The following ITPRIPL1 variants were observed in gnomAD, a reference collection of about 807,000 sequenced individuals.
ITPRIPL1 encodes ITPRIP like 1.
A neutral mutation model predicts 40.0 loss-of-function variants in ITPRIPL1; 28 were observed. The observed-to-expected ratio is 0.70, with a 90% CI of 0.52 to 0.96. ITPRIPL1 has a LOEUF of 0.96. Among genes scored for constraint, ITPRIPL1 ranks in the 40% least tolerant of loss-of-function variants. The pLI, the probability that ITPRIPL1 is intolerant of heterozygous loss-of-function variation, is 0.00. For missense variants in ITPRIPL1, 638 were observed against 698.0 expected (o/e 0.91, Z 0.97); for synonymous variants, 251 against 275.7 (o/e 0.91, Z 0.89).
chr2:96,326,729 T>C lies in ITPRIPL1; in HGVS notation c.98T>C (p.Met33Thr). 1 of 1,614,218 alleles carries C rather than the reference T, an allele frequency of 6.2e-7. No homozygotes were observed. The highest frequency in any genetic ancestry group is 8.5e-7 in the Non-Finnish European group (1 of 1,180,034). Residue 33 changes from methionine to threonine, a missense_variant, in exon 3 of 3, where the codon ATG becomes ACG. Transcript: ENST00000439118. ...VHHPLMVSDR[M>T]DLDTLARSRQ... ...CACCCTCTGATGGTCAGTGATCGGATGGACCTGGACACATTAGCCAGGAGT... is the reference window on the plus strand; with the variant it reads ...CACCCTCTGATGGTCAGTGATCGGACGGACCTGGACACATTAGCCAGGAGT...
chr2:96,330,217 G>A (rs923685073), downstream of ITPRIPL1: 5 of 118,524 alleles, frequency 4.2e-5, no homozygotes, highest in African/African-American at 1.3e-4. Flanking sequence ...GTGCTCCAGC[G>A]ACCCTGGGCA....
chr2:96,327,443 G>A lies in ITPRIPL1; in HGVS notation c.812G>A (p.Cys271Tyr). ...GGCTGTGTGCTGGTGGAGTCAGAAT[G>A]TGTGTGCAAGCGTGAGAAACTCCTA... Reference protein sequence around the residue: ...RCGCVLVESECVCKREKLLGD... With the variant: ...RCGCVLVESEYVCKREKLLGD... Residue 271 changes from cysteine (C) to tyrosine (Y), a missense_variant, in exon 3 of 3, where the codon TGT (cysteine) becomes TAT (tyrosine). Transcript: ENST00000439118. The A allele has an allele frequency of 6.2e-7, 1 of 1,614,026 alleles. No homozygotes were observed. Among genetic ancestry groups the A allele is most frequent in the Non-Finnish European group, 8.5e-7 (1 of 1,179,978 alleles).
At position 96,327,816 on chromosome 2, in the gene ITPRIPL1, T is replaced by C; in HGVS notation, c.1185T>C (p.Pro395=). The C allele has an allele frequency of 6.2e-7, 1 of 1,614,166 alleles. No homozygotes were observed. Among genetic ancestry groups the C allele is most frequent in the Non-Finnish European group, 8.5e-7 (1 of 1,180,018 alleles). Residue 395 remains proline, a synonymous_variant, in exon 3 of 3, where the codon CCT becomes CCC. Coordinates refer to ENST00000439118, the MANE Select transcript of ITPRIPL1 (RefSeq NM_001008949.3). ...DQEQLTSVDW[P]ESFVACEHLF... is the part of the protein sequence containing the mutation. ...AGCAGCTCACCAGTGTGGACTGGCC[T>C]GAGTCCTTTGTGGCCTGTGAGCACC...
chr2:96,326,843 A>C lies in ITPRIPL1; in HGVS notation c.212A>C (p.Lys71Thr). ...ERKRAAEQRQ[K>T]AENFWTGDTS... ...AAGCGAGCCGCTGAGCAGAGGCAGA[A>C]GGCAGAGAACTTCTGGACAGGAGAC... is the stretch of plus-strand genomic sequence containing the variant. The change falls in exon 3 of 3, where the codon AAG becomes ACG. Residue 71 changes from lysine to threonine, a missense_variant. Coordinates refer to ENST00000439118, the MANE Select transcript of ITPRIPL1 (RefSeq NM_001008949.3). 1 of 1,614,240 alleles carries C rather than the reference A, an allele frequency of 6.2e-7. No individual in the cohort carries two copies. Among genetic ancestry groups the C allele is most frequent in the Non-Finnish European group, 8.5e-7 (1 of 1,180,030 alleles).
chr2:96,326,466 G>C, intron 2 of ITPRIPL1, 176 bp from the exon 3 acceptor site: 1 of 1,543,826 alleles, frequency 6.5e-7, no homozygotes, highest in South Asian at 1.3e-5. Context: ...CTTTTCTCTC[G>C]AACCTCCTCC....
At chr2:96,329,396 G>C (rs150269841), downstream of ITPRIPL1, 56 of 151,934 alleles carry the variant, frequency 3.7e-4, no homozygotes, top group African/African-American at 1.3e-3. Context: ...TTTTTAAGGT[G>C]CCTGGAGGCA....
rs199538607 is a variant in ITPRIPL1, at chr2:96,327,719, C to A, written c.1088C>A (p.Ser363Ter). The A allele has an allele frequency of 1.2e-6, 2 of 1,613,242 alleles. No homozygotes were observed. The highest frequency in any genetic ancestry group is 8.5e-7 in the Non-Finnish European group (1 of 1,179,634). ...GACTATCGCTCAGGCCGCTTTCTCT[C>A]AATCCACTTGGTCCTGGGGGTGCAA... is the stretch of plus-strand genomic sequence containing the variant. ...RLDYRSGRFL[S>*]IHLVLGVQRE... The change falls in exon 3 of 3, where the codon TCA becomes TAA. Residue 363 changes from serine (S) to a stop codon, truncating the protein, a stop_gained. Coordinates refer to ENST00000439118, the MANE Select transcript of ITPRIPL1 (RefSeq NM_001008949.3). LOFTEE classifies it high-confidence loss of function.
At chr2:96,325,891 T>C in intron 2 of ITPRIPL1, 42 bp downstream of exon 2, 1 of 1,603,420 alleles carries the variant, frequency 6.2e-7, no homozygotes, top group Non-Finnish European at 8.5e-7. Flanking sequence ...TGGCAGAAGC[T>C]CGGGCTTCAC....
chr2:96,328,177 G>A lies in ITPRIPL1; in HGVS notation c.1546G>A (p.Val516Ile). 2 of 1,614,068 alleles carry A rather than the reference G, an allele frequency of 1.2e-6. No individual in the cohort carries two copies. The highest frequency in any genetic ancestry group is 1.1e-5 in the South Asian group (1 of 91,076). Reference protein sequence around the residue: ...IPKTFRNAEPVNLFQHLVLNP... With the variant: ...IPKTFRNAEPINLFQHLVLNP... ...TAAGACATTTAGGAATGCTGAGCCGGTCAATCTCTTCCAACACCTGGTGCT... is the reference window on the plus strand; with the variant it reads ...TAAGACATTTAGGAATGCTGAGCCGATCAATCTCTTCCAACACCTGGTGCT... Residue 516 changes from valine (V) to isoleucine (I), a missense_variant, in exon 3 of 3, where the codon GTC becomes ATC. By Grantham distance (29) the Val-to-Ile change is conservative. Coordinates refer to ENST00000439118, the MANE Select transcript of ITPRIPL1 (RefSeq NM_001008949.3).
In ITPRIPL1 at chr2:96,327,746, G is replaced by A. The variant is rs770603089; in HGVS notation, c.1115G>A (p.Arg372Gln). The change falls in exon 3 of 3, where the codon CGA becomes CAA. Residue 372 changes from arginine to glutamine, a missense_variant. Arg to Gln is a conservative substitution (Grantham distance 43). Coordinates refer to ENST00000439118, the MANE Select transcript of ITPRIPL1 (RefSeq NM_001008949.3). Reference sequence around the variant, plus strand: ...ATCCACTTGGTCCTGGGGGTGCAACGAGAAGACACCTTGGTCTACCTGGTG... The same window carrying A: ...ATCCACTTGGTCCTGGGGGTGCAACAAGAAGACACCTTGGTCTACCTGGTG... ...LSIHLVLGVQ[R>Q]EDTLVYLVSQ... 4.3e-6 allele frequency: 7 copies of A among 1,613,334 alleles called. No individual in the cohort carries two copies. The highest frequency in any genetic ancestry group is 1.3e-5 in the African/African-American group (1 of 74,842).
At chr2:96,328,474 C>G, downstream of ITPRIPL1, 1 of 612,746 alleles carries the variant, frequency 1.6e-6, no homozygotes, top group South Asian at 2.2e-5. Flanking sequence ...CATAATGACC[C>G]TGCAGGGCCT....
In ITPRIPL1 at chr2:96,328,224, G is replaced by A. The variant is rs2064136132; in HGVS notation, c.1593G>A (p.Gln531=). The A allele has an allele frequency of 6.2e-7, 1 of 1,613,942 alleles. No homozygotes were observed. The highest frequency in any genetic ancestry group is 1.1e-5 in the South Asian group (1 of 91,082). ...HLVLNPKAHS[Q]AVEEFQNLLT... ...TGCTCAACCCCAAGGCACATTCACAGGCAGTGGAAGAGTTCCAAAACCTTC... is the reference window on the plus strand; with the variant it reads ...TGCTCAACCCCAAGGCACATTCACAAGCAGTGGAAGAGTTCCAAAACCTTC... The change falls in exon 3 of 3, where the codon CAG becomes CAA. Residue 531 remains glutamine (Q), a synonymous_variant. Coordinates refer to ENST00000439118, the MANE Select transcript of ITPRIPL1 (RefSeq NM_001008949.3).
chr2:96,326,862 A>G lies in ITPRIPL1; in HGVS notation c.231A>G (p.Thr77=). 1 of 1,614,252 alleles carries G rather than the reference A, an allele frequency of 6.2e-7. No homozygotes were observed. The highest frequency in any genetic ancestry group is 8.5e-7 in the Non-Finnish European group (1 of 1,180,042). Reference sequence around the variant, plus strand: ...GGCAGAAGGCAGAGAACTTCTGGACAGGAGACACATCCAGTGACCAGTTAG... The same window carrying G: ...GGCAGAAGGCAGAGAACTTCTGGACGGGAGACACATCCAGTGACCAGTTAG... ...EQRQKAENFW[T]GDTSSDQLVL... The change falls in exon 3 of 3, where the codon ACA becomes ACG. Residue 77 remains threonine, a synonymous_variant. Transcript: ENST00000439118.
chr2:96,325,694 G>A (rs1481703498), intron 1 of ITPRIPL1, 53 bp from the exon 2 acceptor site: 5 of 752,632 alleles, frequency 6.6e-6, no homozygotes, highest in Admixed American at 2.1e-5. Flanking sequence ...ATGGGGGGAG[G>A]GTCGGGTTCC....
chr2:96,327,099 C>T lies in ITPRIPL1; in HGVS notation c.468C>T (p.Tyr156=), dbSNP rs1265556532. The T allele has an allele frequency of 2.5e-6, 4 of 1,614,066 alleles. No homozygotes were observed. The highest frequency in any genetic ancestry group is 1.6e-4 in the Middle Eastern group (1 of 6,084). Residue 156 remains tyrosine, a synonymous_variant, in exon 3 of 3, where the codon TAC becomes TAT. Transcript: ENST00000439118. ...TCCGTGTTGTCCCTGTCACCTCTTA[C>T]AACTGGCTTACTGACTTCCCCTCCC... ...EEVRVVPVTS[Y]NWLTDFPSQE...
chr2:96,326,906 T>C lies in ITPRIPL1; in HGVS notation c.275T>C (p.Met92Thr), dbSNP rs762577670. 6.2e-7 allele frequency: 1 copy of C among 1,614,086 alleles called. No homozygotes were observed. Among genetic ancestry groups the C allele is most frequent in the Non-Finnish European group, 8.5e-7 (1 of 1,180,002 alleles). The change falls in exon 3 of 3, where the codon ATG (methionine) becomes ACG (threonine). Residue 92 changes from methionine to threonine, a missense_variant. Met to Thr is a moderately conservative substitution (Grantham distance 81). Transcript: ENST00000439118. The part of the protein sequence containing the change: ...SDQLVLGKKD[M>T]GWPFQADGQE... ...CAGTTAGTGCTGGGGAAGAAAGACA[T>C]GGGGTGGCCGTTCCAGGCCGATGGC... is the stretch of plus-strand genomic sequence containing the variant.
Position 96,327,552 on chromosome 2 carries a change from C to G in ITPRIPL1, c.921C>G (p.Leu307=). ...GTAGTAGCTCCATCAAGGCAGCTCTCTGCACCGGCTTCCACCTAGACGTGT... is the reference window on the plus strand; with the variant it reads ...GTAGTAGCTCCATCAAGGCAGCTCTGTGCACCGGCTTCCACCTAGACGTGT... ...GKCSSSIKAA[L]CTGFHLDVCK... Residue 307 remains leucine (L), a synonymous_variant, in exon 3 of 3, where the codon CTC becomes CTG. Transcript: ENST00000439118. 2 of 1,613,306 alleles carry G rather than the reference C, an allele frequency of 1.2e-6. No homozygotes were observed. Among genetic ancestry groups the G allele is most frequent in the South Asian group, 1.1e-5 (1 of 90,940 alleles).
chr2:96,327,307 T>C lies in ITPRIPL1; in HGVS notation c.676T>C (p.Trp226Arg). 1.2e-6 allele frequency: 2 copies of C among 1,614,066 alleles called. No individual in the cohort carries two copies. Among genetic ancestry groups the C allele is most frequent in the Non-Finnish European group, 1.7e-6 (2 of 1,180,004 alleles). Reference protein sequence around the residue: ...CLGIGAAFEKWGTLHETQKFD... With the variant: ...CLGIGAAFEKRGTLHETQKFD... The stretch of plus-strand genomic sequence containing the variant: ...GGGCATCGGGGCTGCCTTTGAGAAA[T>C]GGGGAACCCTCCATGAGACCCAGAA... The change falls in exon 3 of 3, where the codon TGG becomes CGG. Residue 226 changes from tryptophan (W) to arginine (R), a missense_variant. Coordinates refer to ENST00000439118, the MANE Select transcript of ITPRIPL1 (RefSeq NM_001008949.3).
Position 96,326,835 on chromosome 2 carries a change from G to T in ITPRIPL1, c.204G>T (p.Gln68His), listed in dbSNP as rs1161160686. The change falls in exon 3 of 3, where the codon CAG becomes CAT. Residue 68 changes from glutamine to histidine, a missense_variant. Transcript: ENST00000439118. ...AAGAGAGAAAGCGAGCCGCTGAGCA[G>T]AGGCAGAAGGCAGAGAACTTCTGGA... ...EFEERKRAAE[Q>H]RQKAENFWTG... The T allele has an allele frequency of 6.2e-7, 1 of 1,614,216 alleles. No individual in the cohort carries two copies. Among genetic ancestry groups the T allele is most frequent in the East Asian group, 2.2e-5 (1 of 44,880 alleles).
Sources: allele counts gnomAD v4.1 joint callset, GRCh38; gene constraint gnomAD v4.1.1; transcripts MANE v1.5; gene names NCBI Gene and HGNC (gene_info 2026-07-23, HGNC 2026-07-21).